SNED1: variants seen among roughly 807,000 people sequenced by gnomAD.
The protein encoded by SNED1 is sushi, nidogen and EGF-like domain-containing protein 1.
Under a neutral mutation model 166.7 loss-of-function variants are expected in SNED1, and 81 were observed. That is an observed-to-expected ratio of 0.49 (90% CI 0.41 to 0.58). The LOEUF (loss-of-function observed/expected upper bound fraction) is 0.58, where lower values mean the gene tolerates loss of function less well. Ranked by LOEUF, SNED1 falls within the 20% of genes least tolerant of loss-of-function variation. The pLI, the probability that SNED1 is intolerant of heterozygous loss-of-function variation, is 0.00. For missense variants in SNED1, 1,604 were observed against 2,000.2 expected, an observed-to-expected ratio of 0.80 and a Z score of 3.78; for synonymous variants, 762 against 822.0, an observed-to-expected ratio of 0.93 and a Z score of 1.25.
chr2:241,024,264 T>TTTTTTTTTTTTTA (rs2060871972), intron 1 of SNED1, among the ~76,000 whole-genome samples: 1 of 121,744 alleles, frequency 8.2e-6, no homozygotes, highest in African/African-American at 3.1e-5. Flanking sequence ...TTTTTTTTTT[T>TTTTTTTTTTTTTA]AGACAGAGTC....
In SNED1 at chr2:241,091,991, T is replaced by C. The variant is rs1019889832; in HGVS notation, c.*355T>C. On this transcript the variant is annotated 3_prime_UTR_variant, in exon 32 of 32. Coordinates refer to ENST00000310397, the MANE Select transcript of SNED1 (RefSeq NM_001080437.3). The surrounding 1 kb of genome is among the most constrained non-coding windows in gnomAD (Gnocchi z 4.1). ...CAGTGAGGCTGTCAGTCAGCCACGC[T>C]TCTGCAGTATGCAGAAACCTGTTCT... 6.6e-6 allele frequency: 1 copy of C among 152,298 alleles called. No individual in the cohort carries two copies. The highest frequency in any genetic ancestry group is 1.5e-5 in the Non-Finnish European group (1 of 68,076). 9.4% of individuals were successfully genotyped at this position (152,298 alleles called of 1,614,324 possible). A position where few individuals can be genotyped will look rare whatever the true frequency, so the allele number is the denominator to read the frequency against.
At chr2:241,045,209 AG>A (rs2061616460) in intron 8 of SNED1, among the ~76,000 whole-genome samples, 1 of 152,246 alleles carries the variant, frequency 6.6e-6, no homozygotes, top group Non-Finnish European at 1.5e-5. Context: ...GACTCAACGT[AG>A]TAAATATGGC....
chr2:241,029,816 G>A (rs892543494), intron 1 of SNED1, among the ~76,000 whole-genome samples: 3 of 152,218 alleles, frequency 2.0e-5, no homozygotes, highest in Non-Finnish European at 2.9e-5. Context: ...CCGCTCTAGT[G>A]GGGGCACCCC....
rs1209712964 is a variant in SNED1, at chr2:241,069,343, T to C, written c.3307+320T>C. Among the ~76,000 whole-genome samples, 1 of 152,160 alleles carries C rather than the reference T, an allele frequency of 6.6e-6. No individual in the cohort carries two copies. Among genetic ancestry groups the C allele is most frequent in the Admixed American group, 6.5e-5 (1 of 15,280 alleles). On this transcript the variant is annotated intron_variant, in intron 23 of 31. Coordinates refer to ENST00000310397, the MANE Select transcript of SNED1 (RefSeq NM_001080437.3). The surrounding 1 kb of genome is among the most constrained non-coding windows in gnomAD (Gnocchi z 4.9). Reference sequence around the variant, plus strand: ...GGGATACCCATGCTATCCAGGGCCCTTGTACCTTGCAACCAGCCCCCTCTA... The same window carrying C: ...GGGATACCCATGCTATCCAGGGCCCCTGTACCTTGCAACCAGCCCCCTCTA...
intron 2 of SNED1, 79 bp downstream of exon 2, chr2:241,030,650 G>A: frequency 1.4e-6 from 2 of 1,432,340 alleles, no homozygotes; most frequent in Non-Finnish European, 1.9e-6. Flanking sequence ...GCTCCCTCTT[G>A]CTGATGTGGG....
chr2:241,086,479 C>A (rs1457871937), intron 29 of SNED1, among the ~76,000 whole-genome samples: 1 of 152,220 alleles, frequency 6.6e-6, no homozygotes, highest in African/African-American at 2.4e-5. Context: ...CCAAAAACTT[C>A]TCTAGGCTGA....
At chr2:241,063,525 G>A (rs1285756555) in intron 17 of SNED1, 62 bp from the exon 18 acceptor site, 2 of 1,061,144 alleles carry the variant, frequency 1.9e-6, no homozygotes, top group Middle Eastern at 2.0e-4. Context: ...ACGGAATCCT[G>A]GGGGCATGTG....
Position 240,998,984 on chromosome 2 carries a change from C to A in SNED1, c.147C>A (p.Gly49=). ...GDAVTPKQDD[G]GSGLRPLSVP... Reference sequence around the variant, plus strand: ...CCGTCACCCCCAAGCAGGACGACGGCGGCTCGGGGCTGCGGCCGCTCTCGG... The same window carrying A: ...CCGTCACCCCCAAGCAGGACGACGGAGGCTCGGGGCTGCGGCCGCTCTCGG... The change falls in exon 1 of 32, where the codon GGC becomes GGA. Residue 49 remains glycine, a synonymous_variant. Coordinates refer to ENST00000310397, the MANE Select transcript of SNED1 (RefSeq NM_001080437.3). 7.5e-7 allele frequency: 1 copy of A among 1,326,588 alleles called. No individual in the cohort carries two copies. The highest frequency in any genetic ancestry group is 9.7e-7 in the Non-Finnish European group (1 of 1,034,776). 82.2% of individuals were successfully genotyped at this position (1,326,588 alleles called of 1,614,324 possible).
At chr2:241,034,362 C>T (rs985565576) in intron 3 of SNED1, among the ~76,000 whole-genome samples, 1 of 152,174 alleles carries the variant, frequency 6.6e-6, no homozygotes, top group African/African-American at 2.4e-5. Flanking sequence ...CAGGGGAGGC[C>T]CAAGAGCCCA....
chr2:241,079,649 A>C (rs561942800), intron 27 of SNED1, among the ~76,000 whole-genome samples: 5 of 152,282 alleles, frequency 3.3e-5, no homozygotes, highest in East Asian at 1.9e-4. Flanking sequence ...AAAAGGTTTT[A>C]AAAACAATAA....
intron 6 of SNED1, among the ~76,000 whole-genome samples, chr2:241,038,715 C>T (rs1290161976): frequency 2.6e-5 from 4 of 152,362 alleles, no homozygotes; most frequent in South Asian, 4.1e-4. Flanking sequence ...GCATTGGTGC[C>T]GTGGCAGACT....
intron 2 of SNED1, 125 bp from the exon 3 acceptor site, chr2:241,033,610 G>A: frequency 1.8e-6 from 2 of 1,117,776 alleles, no homozygotes; most frequent in Non-Finnish European, 2.5e-6. Flanking sequence ...CCAGCTGGAA[G>A]ACACAGACAT....
chr2:241,002,904 A>C (rs1161427287), intron 1 of SNED1, among the ~76,000 whole-genome samples: 1 of 151,648 alleles, frequency 6.6e-6, no homozygotes, highest in Non-Finnish European at 1.5e-5. Context: ...CGTCAGCAGC[A>C]GCTCCGCCTG....
chr2:241,042,940 G>T (rs554697956), intron 8 of SNED1, among the ~76,000 whole-genome samples: 2 of 152,002 alleles, frequency 1.3e-5, no homozygotes, highest in East Asian at 3.9e-4. Flanking sequence ...CAAGCAGCCT[G>T]GGATCCACGT....
intron 9 of SNED1, 91 bp from the exon 10 acceptor site, chr2:241,048,571 G>C (rs959231203): frequency 1.1e-5 from 17 of 1,498,572 alleles, no homozygotes; most frequent in Non-Finnish European, 1.5e-5. Context: ...AATTTGTATG[G>C]GAAGTTGGCC....
At chr2:241,055,132 A>G (rs1214724328) in intron 16 of SNED1, among the ~76,000 whole-genome samples, 1 of 152,128 alleles carries the variant, frequency 6.6e-6, no homozygotes, top group Non-Finnish European at 1.5e-5. Context: ...AAAAAAAGAA[A>G]AAATATTTGT....
At chr2:241,087,371 A>G in intron 29 of SNED1, 21 bp from the exon 30 acceptor site, 1 of 1,577,394 alleles carries the variant, frequency 6.3e-7, no homozygotes, top group Non-Finnish European at 8.6e-7. Context: ...CTGGTTTTAC[A>G]AAGCTTTCTT....
intron 16 of SNED1, among the ~76,000 whole-genome samples, chr2:241,059,053 G>A (rs1234857369): frequency 6.6e-6 from 1 of 152,188 alleles, no homozygotes; most frequent in African/African-American, 2.4e-5. Context: ...CCTACCTCGT[G>A]TTTACAGTGG....
chr2:241,087,933 CACAG>C (rs995039327), intron 30 of SNED1: 51 of 407,734 alleles, frequency 1.3e-4, no homozygotes, highest in African/African-American at 1.0e-3. Context: ...CTTTAGAAAC[CACAG>C]AGTCGAAGCC....
Sources: gnomAD v4.1 joint callset for allele counts (sites outside exome capture counted in the v4.1 genomes callset) on GRCh38, gnomAD v4.1.1 for gene constraint, Gnocchi (gnomAD v3.1) non-coding constraint, MANE v1.5 for transcripts, NCBI Gene and HGNC (gene_info 2026-07-23, HGNC 2026-07-21) for gene names.